The following SLIT3 variants were observed in gnomAD, a reference collection of about 807,000 sequenced individuals.
SLIT3 encodes the protein slit homolog 3 protein.
A neutral mutation model predicts 184.0 loss-of-function variants in SLIT3; 68 were observed. The ratio of observed to expected loss-of-function variants is 0.37; its 90% CI spans 0.30 to 0.45. The LOEUF (loss-of-function observed/expected upper bound fraction) is 0.45. Ranked by LOEUF, SLIT3 falls within the 20% of genes least tolerant of loss-of-function variation. The pLI is 1.00. For synonymous variants in SLIT3, 831 were observed against 828.6 expected (o/e 1.00, Z -0.05); for missense variants, 1,707 against 2,026.0 (o/e 0.84, Z 3.02).
At chr5:168,702,726 G>C (rs1163657766) in intron 26 of SLIT3, among the ~76,000 whole-genome samples, 2 of 152,180 alleles carry the variant, frequency 1.3e-5, no homozygotes, top group Non-Finnish European at 2.9e-5. Flanking sequence ...CTTGGGGTCT[G>C]AGGCAGGGCT....
chr5:168,927,390 T>C (rs375170601), intron 4 of SLIT3, among the ~76,000 whole-genome samples: 4 of 152,260 alleles, frequency 2.6e-5, no homozygotes, highest in African/African-American at 9.6e-5. Context: ...TTTTGTTTAA[T>C]GGGCATAGAG....
At chr5:169,041,602 C>T (rs528652974) in intron 4 of SLIT3, among the ~76,000 whole-genome samples, 210 of 152,282 alleles carry the variant, frequency 1.4e-3, no homozygotes, top group Non-Finnish European at 2.4e-3. Flanking sequence ...TTCCCCAATG[C>T]AGTTATATAA....
intron 4 of SLIT3, among the ~76,000 whole-genome samples, chr5:169,032,432 A>T (rs1352455042): frequency 2.6e-5 from 4 of 152,064 alleles, no homozygotes; most frequent in African/African-American, 9.7e-5. Context: ...GAACAATCAC[A>T]TTTGCTCAGA....
At chr5:169,033,581 T>C (rs1017768068) in intron 4 of SLIT3, among the ~76,000 whole-genome samples, 1 of 152,212 alleles carries the variant, frequency 6.6e-6, no homozygotes, top group East Asian at 1.9e-4. Context: ...GGTTCTCTTT[T>C]CTTCATACCC....
intron 4 of SLIT3, among the ~76,000 whole-genome samples, chr5:168,892,738 T>C (rs531905789): frequency 6.6e-6 from 1 of 152,356 alleles, no homozygotes; most frequent in South Asian, 2.1e-4. Context: ...CATTTAATTA[T>C]CATATGCAAC....
intron 11 of SLIT3, among the ~76,000 whole-genome samples, chr5:168,788,759 G>T (rs541236934): frequency 1.1e-4 from 17 of 151,928 alleles, no homozygotes; most frequent in Non-Finnish European, 2.4e-4. Flanking sequence ...TTAGGTTGTG[G>T]TGAGGACTAA....
intron 5 of SLIT3, among the ~76,000 whole-genome samples, chr5:168,845,277 C>A (rs1244965516): frequency 2.0e-5 from 3 of 152,134 alleles, no homozygotes; most frequent in Non-Finnish European, 4.4e-5. Flanking sequence ...TGCCTCTGTG[C>A]ATTGTTACGG....
intron 30 of SLIT3, among the ~76,000 whole-genome samples, chr5:168,686,427 C>T (rs1478601766): frequency 1.3e-5 from 2 of 152,198 alleles, no homozygotes; most frequent in Non-Finnish European, 2.9e-5. Flanking sequence ...TTCTGACATA[C>T]CCAACAGCAT....
chr5:169,165,331 C>A (rs914816711), intron 4 of SLIT3, among the ~76,000 whole-genome samples: 3 of 152,236 alleles, frequency 2.0e-5, no homozygotes, highest in Non-Finnish European at 2.9e-5. Context: ...TGTATGCAGT[C>A]TGCTAATAGA....
intron 3 of SLIT3, among the ~76,000 whole-genome samples, chr5:169,222,690 T>G (rs909309562): frequency 3.3e-5 from 5 of 152,160 alleles, no homozygotes; most frequent in Non-Finnish European, 7.3e-5. Context: ...AACAAAGCAC[T>G]CAGGAAAGCT....
intron 4 of SLIT3, among the ~76,000 whole-genome samples, chr5:169,124,723 C>T (rs555172747): frequency 7.2e-5 from 11 of 152,090 alleles, no homozygotes; most frequent in Admixed American, 1.3e-4. Context: ...ATAATATCAC[C>T]GAGAGATCAT....
chr5:168,686,667 TG>T, intron 30 of SLIT3, among the ~76,000 whole-genome samples: 1 of 152,342 alleles, frequency 6.6e-6, no homozygotes, highest in Non-Finnish European at 1.5e-5. Context: ...TTCAAGATGG[TG>T]GCATCTTCCA....
At chr5:169,144,814 T>TGTCCTAAGCCCTACC (rs1761874217) in intron 4 of SLIT3, among the ~76,000 whole-genome samples, 1 of 152,184 alleles carries the variant, frequency 6.6e-6, no homozygotes, top group Non-Finnish European at 1.5e-5. Flanking sequence ...AGACGGGCTT[T>TGTCCTAAGCCCTACC]GTCCTAAGCC....
At position 168,715,314 on chromosome 5, in the gene SLIT3, C is replaced by T. The variant is rs1416476456; in HGVS notation, c.2484-2960G>A. Among the ~76,000 whole-genome samples, 3 of 152,220 alleles carry T rather than the reference C, an allele frequency of 2.0e-5. No individual in the cohort carries two copies. In the East Asian group the frequency reaches 5.8e-4, roughly 29 times the overall value. On this transcript the variant is annotated intron_variant, in intron 23 of 35. Transcript: ENST00000519560. ...ACATTTTTAGGGGATGTGGGTTTCT[C>T]AGCATCAATGCTGTTTTCTGTAGCC... is the stretch of plus-strand genomic sequence containing the variant.
Position 168,684,512 on chromosome 5 carries a change from C to T in SLIT3, c.3556-416G>A, listed in dbSNP as rs1434445082. On this transcript the variant is annotated intron_variant, in intron 31 of 35. Coordinates refer to ENST00000519560, the MANE Select transcript of SLIT3 (RefSeq NM_003062.4). ...TTTATTTTTAGGCAGAATCTTGGCC[C>T]AGGCTGGAGTGCAGTGGCACAGTCT... is the stretch of plus-strand genomic sequence containing the variant. Among the ~76,000 whole-genome samples, 3 of 152,286 alleles carry T rather than the reference C, an allele frequency of 2.0e-5. No individual in the cohort carries two copies. The East Asian group carries it at 5.8e-4, about 29-fold the overall frequency.
At chr5:169,255,751 C>A (rs192616374) in intron 1 of SLIT3, among the ~76,000 whole-genome samples, 6 of 151,964 alleles carry the variant, frequency 3.9e-5, no homozygotes, top group Non-Finnish European at 8.8e-5. Context: ...AGCGTGGTGG[C>A]GGGTGCCTGT....
intron 4 of SLIT3, among the ~76,000 whole-genome samples, chr5:169,040,114 G>A (rs975154414): frequency 1.3e-5 from 2 of 152,170 alleles, no homozygotes; most frequent in African/African-American, 2.4e-5. Context: ...CTCACAACAC[G>A]TAATCTAATT....
At chr5:168,750,149 G>A (rs1403984855) in intron 18 of SLIT3, among the ~76,000 whole-genome samples, 1 of 152,116 alleles carries the variant, frequency 6.6e-6, no homozygotes, top group Non-Finnish European at 1.5e-5. Context: ...CTTGCACCTT[G>A]GACTCTACAT....
At chr5:169,037,239 C>T (rs1412892302) in intron 4 of SLIT3, among the ~76,000 whole-genome samples, 5 of 152,200 alleles carry the variant, frequency 3.3e-5, no homozygotes, top group African/African-American at 1.2e-4. Flanking sequence ...GAAACAAAGT[C>T]CATAATTACT....
Sources: allele counts gnomAD v4.1 joint callset (sites outside exome capture counted in the v4.1 genomes callset), GRCh38; gene constraint gnomAD v4.1.1; transcripts MANE v1.5; gene names NCBI Gene and HGNC (gene_info 2026-07-23, HGNC 2026-07-21).